The following TANC2 variants were observed in gnomAD, a reference collection of about 807,000 sequenced individuals.
TANC2 encodes protein TANC2.
Under a neutral mutation model 210.5 loss-of-function variants are expected in TANC2, and 26 were observed. The observed-to-expected ratio is 0.12, with a 90% confidence interval of 0.09 to 0.17. The LOEUF is 0.17. TANC2 is among the 10% of genes least tolerant of loss of function. TANC2 has a pLI of 1.00. For synonymous variants in TANC2, 931 were observed against 967.1 expected (o/e 0.96, Z 0.69); for missense variants, 2,129 against 2,608.9 (o/e 0.82, Z 4.01).
chr17:63,329,285 G>T (rs1338738948), intron 11 of TANC2, among the ~76,000 whole-genome samples: 1 of 151,582 alleles, frequency 6.6e-6, no homozygotes, highest in Non-Finnish European at 1.5e-5. Flanking sequence ...CTTTAAAATT[G>T]AGGAAAAGAC....
chr17:63,011,876 TAAG>T (rs2033888529), intron 2 of TANC2, among the ~76,000 whole-genome samples: 1 of 152,062 alleles, frequency 6.6e-6, no homozygotes. Flanking sequence ...TTTTTTCTCT[TAAG>T]AAAGTCTTTG....
chr17:63,072,815 A>C (rs534313366), intron 2 of TANC2, among the ~76,000 whole-genome samples: 1 of 152,226 alleles, frequency 6.6e-6, no homozygotes, highest in South Asian at 2.1e-4. Flanking sequence ...ATATATATAC[A>C]TGAATTGGAT....
At chr17:62,982,714 TGAA>T (rs1213485412) in intron 1 of TANC2, among the ~76,000 whole-genome samples, 1 of 152,190 alleles carries the variant, frequency 6.6e-6, no homozygotes, top group Non-Finnish European at 1.5e-5. Flanking sequence ...CACCATTTAT[TGAA>T]GAGATTTTTC....
intron 7 of TANC2, among the ~76,000 whole-genome samples, chr17:63,229,770 AT>A (rs200009079): frequency 0.025 from 3,267 of 130,510 alleles, 39 homozygotes; most frequent in African/African-American, 0.057. Context: ...GATTGTTTGT[AT>A]TTTTTTTTTT....
At chr17:63,167,191 C>T (rs956421000) in intron 5 of TANC2, among the ~76,000 whole-genome samples, 1 of 152,070 alleles carries the variant, frequency 6.6e-6, no homozygotes, top group African/African-American at 2.4e-5. Context: ...GCTACTTAAC[C>T]TCCTCAGTCT....
rs1418651758 is a variant in TANC2 at position 63,000,523 on chromosome 17, TCTC to T, written c.-23-9011_-23-9009del. 7.2e-5 allele frequency among the ~76,000 whole-genome samples: 11 copies of T among 152,126 alleles called. No homozygotes were observed. The East Asian group carries it at 1.3e-3, about 19-fold the overall frequency. On this transcript the variant is annotated intron_variant, in intron 1 of 27. Coordinates refer to ENST00000689528, the Ensembl canonical transcript of TANC2. Reference sequence around the variant, plus strand: ...AGTGGACCATTAAGAAGTCATTACTTCTCCTGAATGGTTTAGAATGAGTGTCAC... The same window carrying T: ...AGTGGACCATTAAGAAGTCATTACTTCTGAATGGTTTAGAATGAGTGTCAC...
rs2038878793 is a variant in TANC2 at position 63,130,498 on chromosome 17, T to C, written c.323-20772T>C. On this transcript the variant is annotated intron_variant, in intron 4 of 27. Coordinates refer to ENST00000689528, the Ensembl canonical transcript of TANC2. ...CTGCACTCCAGCCTCGGTGACAGAGTGAGACTCCATCTCACAAAAAAAAAA... is the reference window on the plus strand; with the variant it reads ...CTGCACTCCAGCCTCGGTGACAGAGCGAGACTCCATCTCACAAAAAAAAAA... Among the ~76,000 whole-genome samples, 3 of 150,600 alleles carry C rather than the reference T, an allele frequency of 2.0e-5. No homozygotes were observed. In the South Asian group the frequency reaches 6.3e-4, roughly 32 times the overall value.
chr17:63,270,670 G>A (rs1363826059), intron 9 of TANC2, among the ~76,000 whole-genome samples: 1 of 151,996 alleles, frequency 6.6e-6, no homozygotes, highest in East Asian at 1.9e-4. Context: ...CTGTGAAATA[G>A]GTTTTTTTTA....
chr17:62,971,935 C>T (rs984310862), intron 1 of TANC2, among the ~76,000 whole-genome samples: 15 of 152,176 alleles, frequency 9.9e-5, no homozygotes, highest in Non-Finnish European at 1.8e-4. Context: ...TCTGGAAAAA[C>T]GTCCCTGTTG....
intron 4 of TANC2, among the ~76,000 whole-genome samples, chr17:63,112,486 G>A (rs2038088370): frequency 6.6e-6 from 1 of 152,160 alleles, no homozygotes; most frequent in African/African-American, 2.4e-5. Context: ...TGGAATGTCT[G>A]TAATGTGGCA....
intron 12 of TANC2, among the ~76,000 whole-genome samples, chr17:63,347,558 C>G (rs1308083107): frequency 6.6e-6 from 1 of 152,054 alleles, no homozygotes; most frequent in Non-Finnish European, 1.5e-5. Context: ...AAAACACTTT[C>G]AATTTAGAGT....
intron 5 of TANC2, among the ~76,000 whole-genome samples, chr17:63,180,190 C>T (rs1442522272): frequency 6.6e-6 from 1 of 152,058 alleles, no homozygotes; most frequent in African/African-American, 2.4e-5. Flanking sequence ...CATTGCTCCA[C>T]TTTAAGTTGT....
chr17:63,199,075 T>G (rs1313752910), intron 6 of TANC2, among the ~76,000 whole-genome samples: 1 of 152,132 alleles, frequency 6.6e-6, no homozygotes, highest in Non-Finnish European at 1.5e-5. Flanking sequence ...AAACCTAGAT[T>G]CAACAGAGAT....
chr17:63,294,778 G>A (rs1026015945), intron 9 of TANC2, among the ~76,000 whole-genome samples: 2 of 152,142 alleles, frequency 1.3e-5, no homozygotes, highest in Non-Finnish European at 2.9e-5. Context: ...TTAGAAGGGT[G>A]GAGTGGTCTT....
chr17:63,010,206 TCTC>T (rs2033803930), intron 2 of TANC2, among the ~76,000 whole-genome samples: 1 of 152,178 alleles, frequency 6.6e-6, no homozygotes, highest in Non-Finnish European at 1.5e-5. Flanking sequence ...TTCGTAATCT[TCTC>T]AACTTATTTT....
intron 8 of TANC2, among the ~76,000 whole-genome samples, chr17:63,241,695 G>A (rs2042778525): frequency 1.3e-5 from 2 of 152,144 alleles, no homozygotes; most frequent in East Asian, 1.9e-4. Context: ...ACCCCTCGGC[G>A]ATGCATCTCG....
In TANC2 at chr17:63,078,937, T is replaced by A. The variant is rs532004528; in HGVS notation, c.139+4923T>A. ...GATAGTGTTATTTAAGTCTTCTATC[T>A]TCTTGCCGATTTTCTTTCTACTTGT... is the stretch of plus-strand genomic sequence containing the variant. On this transcript the variant is annotated intron_variant, in intron 3 of 27. Transcript: ENST00000689528. Among the ~76,000 whole-genome samples, 4 of 152,346 alleles carry A rather than the reference T, an allele frequency of 2.6e-5. No homozygotes were observed. The East Asian group carries it at 7.7e-4, about 29-fold the overall frequency.
chr17:63,393,665 T>TA (rs2048051420), intron 17 of TANC2: 1 of 152,204 alleles, frequency 6.6e-6, no homozygotes, highest in African/African-American at 2.4e-5. Context: ...TTTAGGGTTA[T>TA]GCTTTTGAGA....
intron 26 of TANC2, among the ~76,000 whole-genome samples, chr17:63,416,975 G>C (rs1208913190): frequency 6.6e-6 from 1 of 152,230 alleles, no homozygotes; most frequent in Non-Finnish European, 1.5e-5. Flanking sequence ...CCAACCCACT[G>C]ATCTCTTTTC....
Sources: allele counts gnomAD v4.1 joint callset (sites outside exome capture counted in the v4.1 genomes callset), GRCh38; gene constraint gnomAD v4.1.1; transcripts MANE v1.5; gene names NCBI Gene and HGNC (gene_info 2026-07-23, HGNC 2026-07-21).